The following ANO3 variants were observed in gnomAD, a reference collection of about 807,000 sequenced individuals.
ANO3 encodes anoctamin-3.
In ANO3, 99 loss-of-function variants were observed where a neutral mutation model predicts 144.8. The ratio of observed to expected loss-of-function variants is 0.68; its 90% CI spans 0.58 to 0.81. The LOEUF (loss-of-function observed/expected upper bound fraction) is 0.81. ANO3 is among the 30% of genes least tolerant of loss of function. The probability of loss-of-function intolerance (pLI) is 0.00; values close to 1 mark genes in which losing one functional copy is unlikely to be tolerated. For missense variants in ANO3, 905 were observed against 1,202.2 expected, an observed-to-expected ratio of 0.75 and a Z score of 3.66; for synonymous variants, 414 against 392.6, an observed-to-expected ratio of 1.05 and a Z score of -0.64.
At chr11:26,476,687 A>G (rs906775354) in intron 4 of ANO3, among the ~76,000 whole-genome samples, 1 of 152,040 alleles carries the variant, frequency 6.6e-6, no homozygotes, top group African/African-American at 2.4e-5. Context: ...CAGTAATACA[A>G]CTCAACAAAG....
chr11:26,408,081 A>G (rs956644692), intron 1 of ANO3, among the ~76,000 whole-genome samples: 6 of 152,072 alleles, frequency 3.9e-5, no homozygotes, highest in Non-Finnish European at 8.8e-5. Flanking sequence ...CTTCATGTCT[A>G]AAACACCAAA....
rs1055643475 is a variant in ANO3 at position 26,245,944 on chromosome 11, C to T, written c.154+56614C>T. 2.6e-5 allele frequency among the ~76,000 whole-genome samples: 4 copies of T among 152,316 alleles called. No individual in the cohort carries two copies. The East Asian group carries it at 7.7e-4, about 29-fold the overall frequency. On this transcript the variant is annotated intron_variant, in intron 1 of 27. Coordinates refer to the ANO3 transcript ENST00000672621. ...ATGGGTTGACAGACTTCAGGTCTTT[C>T]CTCCTGCAGTATGAGTTCACTTAAT...
intron 14 of ANO3, among the ~76,000 whole-genome samples, chr11:26,587,479 A>C (rs764164015): frequency 6.6e-6 from 1 of 152,140 alleles, no homozygotes; most frequent in Non-Finnish European, 1.5e-5. Context: ...TGTTCTAGAG[A>C]ACTGTACAGA....
chr11:26,599,324 G>T (rs1390072847), intron 16 of ANO3, among the ~76,000 whole-genome samples: 1 of 152,160 alleles, frequency 6.6e-6, no homozygotes, highest in Admixed American at 6.5e-5. Flanking sequence ...GGAAGAATTT[G>T]CATGTTAGTG....
upstream of ANO3, among the ~76,000 whole-genome samples, chr11:26,308,139 A>T (rs1211871746): frequency 6.6e-6 from 1 of 152,212 alleles, no homozygotes; most frequent in Non-Finnish European, 1.5e-5. Flanking sequence ...TGTTGATGGC[A>T]CAATTGGCAA....
At chr11:26,469,188 CCTCT>C (rs1280227936) in intron 4 of ANO3, among the ~76,000 whole-genome samples, 2 of 151,858 alleles carry the variant, frequency 1.3e-5, no homozygotes, top group Admixed American at 6.6e-5. Context: ...CCCTCGGAAA[CCTCT>C]CTAAGTAAAT....
intron 9 of ANO3, among the ~76,000 whole-genome samples, chr11:26,535,270 A>G (rs1849476418): frequency 6.6e-6 from 1 of 152,250 alleles, no homozygotes; most frequent in Non-Finnish European, 1.5e-5. Context: ...TTTGTTGTTT[A>G]AATGTTTAGC....
chr11:26,388,181 A>C, intron 1 of ANO3, among the ~76,000 whole-genome samples: 1 of 151,450 alleles, frequency 6.6e-6, no homozygotes, highest in East Asian at 1.9e-4. Context: ...CCAAAATTAT[A>C]TTTATGGTCT....
At chr11:26,378,262 G>A (rs1236686424) in intron 1 of ANO3, among the ~76,000 whole-genome samples, 1 of 150,468 alleles carries the variant, frequency 6.6e-6, no homozygotes, top group Non-Finnish European at 1.5e-5. Context: ...CAGTACTGAG[G>A]AAGTGGGTAG....
intron 4 of ANO3, among the ~76,000 whole-genome samples, chr11:26,483,170 A>C (rs1860295593): frequency 1.3e-5 from 2 of 151,966 alleles, no homozygotes; most frequent in Non-Finnish European, 2.9e-5. Context: ...GGTAGTATTA[A>C]TTTACATTCC....
intron 4 of ANO3, among the ~76,000 whole-genome samples, chr11:26,506,269 T>A (rs1167282182): frequency 6.6e-6 from 1 of 152,168 alleles, no homozygotes; most frequent in East Asian, 1.9e-4. Context: ...CCTTATCTTT[T>A]TAAATATAGT....
intron 1 of ANO3, among the ~76,000 whole-genome samples, chr11:26,356,203 T>G (rs1374865288): frequency 6.6e-6 from 1 of 152,192 alleles, no homozygotes; most frequent in Non-Finnish European, 1.5e-5. Flanking sequence ...GTGTATGCTC[T>G]ATATACAACC....
intron 11 of ANO3, among the ~76,000 whole-genome samples, chr11:26,545,171 A>C (rs1849755384): frequency 6.6e-6 from 1 of 152,064 alleles, no homozygotes; most frequent in African/African-American, 2.4e-5. Flanking sequence ...ACTTTTCAGG[A>C]CATGCATCTC....
chr11:26,240,523 T>C (rs950111151), intron 1 of ANO3, among the ~76,000 whole-genome samples: 2 of 152,226 alleles, frequency 1.3e-5, no homozygotes, highest in East Asian at 3.8e-4. Flanking sequence ...ACCAGCAATG[T>C]GTTTCATCCT....
intron 10 of ANO3, among the ~76,000 whole-genome samples, chr11:26,538,370 A>G (rs1029654913): frequency 6.6e-5 from 10 of 152,238 alleles, no homozygotes; most frequent in Non-Finnish European, 1.5e-4. Flanking sequence ...TAGTAAGAAT[A>G]GAAATAATAA....
At chr11:26,422,781 C>A (rs1012004076) in intron 1 of ANO3, among the ~76,000 whole-genome samples, 1 of 151,902 alleles carries the variant, frequency 6.6e-6, no homozygotes, top group African/African-American at 2.4e-5. Context: ...TAATTTTAGT[C>A]ATTCCAAGCA....
At chr11:26,534,112 C>T (rs974816779) in intron 8 of ANO3, among the ~76,000 whole-genome samples, 1 of 152,240 alleles carries the variant, frequency 6.6e-6, no homozygotes. Context: ...CATTGGAAAG[C>T]ATGGTATGGG....
chr11:26,300,339 G>A (rs1270079746), intron 1 of ANO3, among the ~76,000 whole-genome samples: 2 of 151,454 alleles, frequency 1.3e-5, no homozygotes, highest in African/African-American at 4.9e-5. Flanking sequence ...TTTTCCTTTT[G>A]GCTCCATCTC....
At chr11:26,392,050 G>T (rs1377779733) in intron 1 of ANO3, among the ~76,000 whole-genome samples, 1 of 152,004 alleles carries the variant, frequency 6.6e-6, no homozygotes, top group African/African-American at 2.4e-5. Context: ...TGAAGATGGA[G>T]TGCATTCTTT....
Sources: allele counts gnomAD v4.1 joint callset (sites outside exome capture counted in the v4.1 genomes callset), GRCh38; gene constraint gnomAD v4.1.1; transcripts MANE v1.5; gene names NCBI Gene and HGNC (gene_info 2026-07-23, HGNC 2026-07-21).